Variants in SLCO1B1 observed in about 807,000 individuals in gnomAD.
SLCO1B1 encodes the protein OATP-2.
In SLCO1B1, 81 loss-of-function variants were observed where a neutral mutation model predicts 70.1. The observed-to-expected ratio is 1.16, with a 90% CI of 0.97 to 1.39. SLCO1B1 has a LOEUF of 1.39. Among genes scored for constraint, SLCO1B1 ranks in the 40% most tolerant of loss-of-function variants. The pLI, the probability that SLCO1B1 is intolerant of heterozygous loss-of-function variation, is 0.00. For synonymous variants in SLCO1B1, 283 were observed against 271.5 expected (o/e 1.04, Z -0.42); for missense variants, 895 against 799.6 (o/e 1.12, Z -1.44).
chr12:21,215,098 T>G (rs1941342752), intron 11 of SLCO1B1, among the ~76,000 whole-genome samples: 2 of 152,176 alleles, frequency 1.3e-5, no homozygotes, highest in African/African-American at 2.4e-5. Flanking sequence ...AACCAGGGTT[T>G]TTGAGATATA....
Position 21,172,648 on chromosome 12 carries a change from A to C in SLCO1B1, c.85-2A>C. The C allele has an allele frequency of 6.2e-7, 1 of 1,613,554 alleles. No individual in the cohort carries two copies. The highest frequency in any genetic ancestry group is 8.5e-7 in the Non-Finnish European group (1 of 1,179,802). ...TCCCCCTTTCCTTCTGATTTTTCTT[A>C]GATGTTCTTGGCAGCTCTGTCACTC... is the stretch of plus-strand genomic sequence containing the variant. On this transcript the variant is annotated splice_acceptor_variant, in intron 2 of 14. Coordinates refer to ENST00000256958, the MANE Select transcript of SLCO1B1 (RefSeq NM_006446.5). LOFTEE classifies it high-confidence loss of function.
chr12:21,140,951 G>T (rs189008152), intron 1 of SLCO1B1, among the ~76,000 whole-genome samples: 57 of 151,992 alleles, frequency 3.8e-4, no homozygotes, highest in Non-Finnish European at 4.6e-4. Flanking sequence ...TACCAGAGTT[G>T]CTCTGAGAAG....
intron 13 of SLCO1B1, 22 bp downstream of exon 13, chr12:21,222,386 A>AG: frequency 2.8e-6 from 1 of 353,276 alleles, no homozygotes; most frequent in Non-Finnish European, 4.3e-6. Context: ...AAAAAAAAAA[A>AG]AAAAAAAAAA....
rs1459200991 is a variant in SLCO1B1, at chr12:21,199,765, TTTTG to T, written c.971-731_971-728del. On this transcript the variant is annotated intron_variant, in intron 8 of 14. Coordinates refer to ENST00000256958, the MANE Select transcript of SLCO1B1 (RefSeq NM_006446.5). ...AGAAACATCATATGTCTTATTCACT[TTTTG>T]TTTGTTTGTTTTTGGGTTTTTTTGT... Among the ~76,000 whole-genome samples the T allele has an allele frequency of 5.3e-5, 8 of 152,026 alleles. No individual in the cohort carries two copies. The South Asian group carries it at 6.2e-4, about 12-fold the overall frequency.
chr12:21,204,483 G>A, intron 10 of SLCO1B1, among the ~76,000 whole-genome samples: 1 of 149,372 alleles, frequency 6.7e-6, no homozygotes, highest in African/African-American at 2.5e-5. Context: ...TCTTTTATAA[G>A]AGTGTGAAGG....
At chr12:21,231,377 T>A (rs1941535655) in intron 14 of SLCO1B1, among the ~76,000 whole-genome samples, 1 of 151,706 alleles carries the variant, frequency 6.6e-6, no homozygotes, top group African/African-American at 2.4e-5. Flanking sequence ...TATGGATTCA[T>A]TTTTAGAGAG....
At chr12:21,220,815 TAAA>T (rs35163063) in intron 12 of SLCO1B1, among the ~76,000 whole-genome samples, 1 of 121,546 alleles carries the variant, frequency 8.2e-6, no homozygotes, top group Non-Finnish European at 1.7e-5. Context: ...AAGACTGGTC[TAAA>T]AAAAAAAAAA....
intron 3 of SLCO1B1, among the ~76,000 whole-genome samples, chr12:21,173,364 T>C (rs929513266): frequency 1.8e-4 from 28 of 152,178 alleles, no homozygotes; most frequent in Non-Finnish European, 3.7e-4. Flanking sequence ...TCTAGATAAT[T>C]TATAAGATGA....
intron 7 of SLCO1B1, among the ~76,000 whole-genome samples, chr12:21,192,895 A>T (rs888162404): frequency 6.6e-6 from 1 of 152,000 alleles, no homozygotes; most frequent in African/African-American, 2.4e-5. Context: ...CACATTTTAG[A>T]ATGTTTTGTT....
intron 2 of SLCO1B1, 62 bp from the exon 3 acceptor site, chr12:21,172,588 C>A: frequency 6.6e-7 from 1 of 1,522,120 alleles, no homozygotes; most frequent in Non-Finnish European, 9.1e-7. Context: ...TTCCATGTGC[C>A]TATTGACATT....
chr12:21,212,894 T>G (rs1293375433), intron 11 of SLCO1B1, among the ~76,000 whole-genome samples: 2 of 152,122 alleles, frequency 1.3e-5, no homozygotes, highest in South Asian at 4.1e-4. Context: ...AACCCCTAAC[T>G]TTTTTTGTTT....
chr12:21,158,572 T>C (rs1940572315), intron 2 of SLCO1B1, among the ~76,000 whole-genome samples: 2 of 151,948 alleles, frequency 1.3e-5, no homozygotes, highest in South Asian at 4.1e-4. Flanking sequence ...TGCCTGCCTT[T>C]AGTCCCAGCT....
At chr12:21,173,143 T>C (rs1940776226) in intron 3 of SLCO1B1, among the ~76,000 whole-genome samples, 1 of 152,158 alleles carries the variant, frequency 6.6e-6, no homozygotes, top group Non-Finnish European at 1.5e-5. Context: ...TGAAGAAACT[T>C]TGGGAGAGGA....
chr12:21,133,226 G>T (rs1331299637), intron 1 of SLCO1B1, among the ~76,000 whole-genome samples: 1 of 151,972 alleles, frequency 6.6e-6, no homozygotes, highest in African/African-American at 2.4e-5. Flanking sequence ...TGCTGTTTTG[G>T]TTACTGTAGC....
intron 1 of SLCO1B1, among the ~76,000 whole-genome samples, chr12:21,136,365 T>C (rs1294011569): frequency 6.6e-6 from 1 of 152,198 alleles, no homozygotes; most frequent in African/African-American, 2.4e-5. Context: ...TTCCTGAATC[T>C]GAACGTTGGC....
At chr12:21,156,076 A>G (rs1176370360) in intron 2 of SLCO1B1, among the ~76,000 whole-genome samples, 3 of 152,176 alleles carry the variant, frequency 2.0e-5, no homozygotes, top group Admixed American at 1.3e-4. Context: ...TAGGGAAAGT[A>G]TATAGTAATT....
chr12:21,201,343 C>T (rs1322990608), intron 9 of SLCO1B1, among the ~76,000 whole-genome samples: 1 of 152,092 alleles, frequency 6.6e-6, no homozygotes, highest in Non-Finnish European at 1.5e-5. Context: ...GGAGACCAAG[C>T]TTCCAGATAA....
intron 7 of SLCO1B1, among the ~76,000 whole-genome samples, chr12:21,196,564 CT>C (rs1412478807): frequency 6.6e-6 from 1 of 152,092 alleles, no homozygotes; most frequent in Non-Finnish European, 1.5e-5. Flanking sequence ...CTGACCCTTT[CT>C]TGATTTTATT....
At chr12:21,220,904 T>C (rs1359156789) in intron 12 of SLCO1B1, among the ~76,000 whole-genome samples, 1 of 151,418 alleles carries the variant, frequency 6.6e-6, no homozygotes, top group Non-Finnish European at 1.5e-5. Flanking sequence ...GCAAATCAAA[T>C]CCGATGGCAC....
Sources: allele counts gnomAD v4.1 joint callset (sites outside exome capture counted in the v4.1 genomes callset), GRCh38; gene constraint gnomAD v4.1.1; transcripts MANE v1.5; gene names NCBI Gene and HGNC (gene_info 2026-07-23, HGNC 2026-07-21).